The following RPS6KC1 variants were observed in gnomAD, a reference collection of about 807,000 sequenced individuals.
RPS6KC1 encodes the protein ribosomal protein S6 kinase C1.
A neutral mutation model predicts 103.8 loss-of-function variants in RPS6KC1; 54 were observed. The observed-to-expected ratio is 0.52, with a 90% CI of 0.42 to 0.65. The LOEUF is 0.65. RPS6KC1 is among the 30% of genes least tolerant of loss of function. The probability of loss-of-function intolerance (pLI) is 0.00; values close to 1 mark genes in which losing one functional copy is unlikely to be tolerated. For missense variants in RPS6KC1, 1,151 were observed against 1,253.8 expected, an observed-to-expected ratio of 0.92 and a Z score of 1.24; for synonymous variants, 439 against 438.7, an observed-to-expected ratio of 1.00 and a Z score of -0.01.
the RPS6KC1 span, among the ~76,000 whole-genome samples, chr1:213,389,885 A>G: frequency 6.6e-6 from 1 of 152,106 alleles, no homozygotes; most frequent in South Asian, 2.1e-4. Context: ...ATTGTAATAC[A>G]CAGAGCATGC....
At chr1:213,721,708 G>C in the RPS6KC1 span, among the ~76,000 whole-genome samples, 19,856 of 152,184 alleles carry the variant, frequency 0.13, 1,468 homozygotes, top group African/African-American at 0.2. Context: ...ATCTCTGCCT[G>C]CCTTCTATCC....
At chr1:213,591,025 C>T in the RPS6KC1 span, among the ~76,000 whole-genome samples, 1 of 152,144 alleles carries the variant, frequency 6.6e-6, no homozygotes, top group Non-Finnish European at 1.5e-5. Flanking sequence ...GCATCCCTTC[C>T]CCATGAGCTG....
At chr1:213,456,729 A>C in the RPS6KC1 span, among the ~76,000 whole-genome samples, 2 of 152,340 alleles carry the variant, frequency 1.3e-5, no homozygotes, top group South Asian at 4.1e-4. Flanking sequence ...ACAATCACTT[A>C]AATAGACCAT....
chr1:213,854,562 TTCTC>T, the RPS6KC1 span, among the ~76,000 whole-genome samples: 3,917 of 122,318 alleles, frequency 0.032, 96 homozygotes, highest in Admixed American at 0.062. Context: ...CTTTCTTTCT[TTCTC>T]TCTCTCTCTC....
At chr1:213,690,839 G>A in the RPS6KC1 span, among the ~76,000 whole-genome samples, 1 of 152,104 alleles carries the variant, frequency 6.6e-6, no homozygotes, top group African/African-American at 2.4e-5. Flanking sequence ...CACAAAGTGG[G>A]CACTCAAAAA....
chr1:213,585,454 C>T, the RPS6KC1 span, among the ~76,000 whole-genome samples: 1 of 152,218 alleles, frequency 6.6e-6, no homozygotes, highest in African/African-American at 2.4e-5. Context: ...AAGTCCTCAG[C>T]CCATTTCTCC....
chr1:213,853,794 A>C, the RPS6KC1 span, among the ~76,000 whole-genome samples: 1 of 152,154 alleles, frequency 6.6e-6, no homozygotes, highest in Non-Finnish European at 1.5e-5. Flanking sequence ...GTTGGCTGTG[A>C]CTGGATTCAC....
At position 213,272,590 on chromosome 1, in the gene RPS6KC1, C is replaced by T; in HGVS notation, c.3157C>T (p.His1053Tyr). 3.7e-6 allele frequency: 6 copies of T among 1,613,950 alleles called. No homozygotes were observed. The highest frequency in any genetic ancestry group is 4.2e-6 in the Non-Finnish European group (5 of 1,179,896). Reference protein sequence around the residue: ...GVAGVEDIKSHPFFTPVDWAE... With the variant: ...GVAGVEDIKSYPFFTPVDWAE... ...TGCTGGTGTTGAAGATATCAAATCTCATCCATTTTTTACCCCTGTGGATTG... is the reference window on the plus strand; with the variant it reads ...TGCTGGTGTTGAAGATATCAAATCTTATCCATTTTTTACCCCTGTGGATTG... The change falls in exon 15 of 15, where the codon CAT becomes TAT. Residue 1053 changes from histidine (H) to tyrosine (Y), a missense_variant. This residue lies in a region of RPS6KC1 where 189 missense variants were observed against 228.8 expected (regional missense o/e 0.83). Transcript: ENST00000366960.
chr1:213,218,130 G>A (rs1352424376), intron 8 of RPS6KC1, among the ~76,000 whole-genome samples: 2 of 152,168 alleles, frequency 1.3e-5, no homozygotes, highest in African/African-American at 2.4e-5. Context: ...AAACCCCATT[G>A]TCTCAGCCCA....
chr1:213,317,812 C>T, the RPS6KC1 span, among the ~76,000 whole-genome samples: 51 of 152,150 alleles, frequency 3.4e-4, no homozygotes, highest in African/African-American at 1.0e-3. Flanking sequence ...TAGCATCTAC[C>T]GGGGGATTGA....
At chr1:213,374,181 C>T in the RPS6KC1 span, among the ~76,000 whole-genome samples, 1 of 152,140 alleles carries the variant, frequency 6.6e-6, no homozygotes, top group Non-Finnish European at 1.5e-5. Flanking sequence ...AATGCTAATA[C>T]TATGGTTGAT....
chr1:213,650,136 A>G, the RPS6KC1 span, among the ~76,000 whole-genome samples: 1 of 152,148 alleles, frequency 6.6e-6, no homozygotes, highest in African/African-American at 2.4e-5. Flanking sequence ...GGCGCTCCCT[A>G]TGTTGCCCAA....
chr1:213,337,783 A>T, the RPS6KC1 span, among the ~76,000 whole-genome samples: 3 of 152,216 alleles, frequency 2.0e-5, no homozygotes, highest in Non-Finnish European at 2.9e-5. Flanking sequence ...GTTAGGGATG[A>T]TACAGCTCCA....
chr1:213,272,668 C>A lies in RPS6KC1; in HGVS notation c.*34C>A. The A allele has an allele frequency of 6.6e-7, 1 of 1,506,342 alleles. No individual in the cohort carries two copies. Among genetic ancestry groups the A allele is most frequent in the Non-Finnish European group, 9.2e-7 (1 of 1,082,426 alleles). The allele number at this position is 1,506,342 out of a possible 1,614,324, so 93.3% of individuals were successfully genotyped here. A position where few individuals can be genotyped will look rare whatever the true frequency, so the allele number is the denominator to read the frequency against. On this transcript the variant is annotated 3_prime_UTR_variant, in exon 15 of 15. Transcript: ENST00000366960. Reference sequence around the variant, plus strand: ...CAGGGTTATCTTCACACATTCTGATCTTCTCTGTGACAGGCATCTCCAGCA... The same window carrying A: ...CAGGGTTATCTTCACACATTCTGATATTCTCTGTGACAGGCATCTCCAGCA...
At chr1:213,093,210 T>C (rs991723073) in intron 3 of RPS6KC1, among the ~76,000 whole-genome samples, 1 of 129,618 alleles carries the variant, frequency 7.7e-6, no homozygotes, top group Non-Finnish European at 1.6e-5. Context: ...ATAATCTACT[T>C]TTTTTTTTTT....
At chr1:213,798,359 C>T in the RPS6KC1 span, among the ~76,000 whole-genome samples, 9 of 152,296 alleles carry the variant, frequency 5.9e-5, no homozygotes, top group South Asian at 1.9e-3. Context: ...CTGCTTCAGC[C>T]CAAGCAGGCC....
chr1:213,534,290 G>A, the RPS6KC1 span, among the ~76,000 whole-genome samples: 1 of 152,122 alleles, frequency 6.6e-6, no homozygotes, highest in African/African-American at 2.4e-5. Flanking sequence ...TTTAAGGCCT[G>A]GAAAAACACA....
the RPS6KC1 span, among the ~76,000 whole-genome samples, chr1:213,657,507 T>A: frequency 6.6e-6 from 1 of 152,158 alleles, no homozygotes; most frequent in Non-Finnish European, 1.5e-5. Context: ...GGACAAATGT[T>A]AGAAGCAGAC....
chr1:213,051,587 A>G lies in RPS6KC1; in HGVS notation c.105+78A>G, dbSNP rs73086317. 2.3e-3 allele frequency: 2,436 copies of G among 1,047,632 alleles called. 43 individuals are homozygous for G. In the African/African-American group the frequency reaches 0.035, roughly 15 times the overall value. The allele number at this position is 1,047,632 out of a possible 1,614,324, so 64.9% of individuals were successfully genotyped here. ...GGGGTGGGGACCCTGATGTGAGGGTACCTGACTCTGGCTCAGAGCCGAGGG... is the reference window on the plus strand; with the variant it reads ...GGGGTGGGGACCCTGATGTGAGGGTGCCTGACTCTGGCTCAGAGCCGAGGG... On this transcript the variant is annotated intron_variant, in intron 1 of 14. Transcript: ENST00000366960.
Sources: allele counts gnomAD v4.1 joint callset (sites outside exome capture counted in the v4.1 genomes callset), GRCh38; gene constraint gnomAD v4.1.1; regional missense constraint gnomAD v4.1.1; transcripts MANE v1.5; gene names NCBI Gene and HGNC (gene_info 2026-07-23, HGNC 2026-07-21).